The following SPRING1 variants were observed in gnomAD, a reference collection of about 807,000 sequenced individuals.
SPRING1 encodes the protein SREBP regulating gene protein.
In SPRING1, 14 loss-of-function variants were observed where a neutral mutation model predicts 24.7. The observed-to-expected ratio is 0.57, with a 90% CI of 0.37 to 0.88. SPRING1 has a LOEUF of 0.88. Ranked by LOEUF, SPRING1 falls within the 40% of genes least tolerant of loss-of-function variation. The pLI is 0.00. For missense variants in SPRING1, 255 were observed against 268.4 expected, an observed-to-expected ratio of 0.95 and a Z score of 0.35; for synonymous variants, 93 against 106.1, an observed-to-expected ratio of 0.88 and a Z score of 0.76.
rs1030105228 is a variant in SPRING1, at chr12:116,714,067, T to C, written c.*3743A>G. The C allele has an allele frequency of 1.3e-5, 2 of 151,940 alleles. No homozygotes were observed. The highest frequency in any genetic ancestry group is 2.9e-5 in the Non-Finnish European group (2 of 67,978). 9.4% of individuals were successfully genotyped at this position (151,940 alleles called of 1,614,324 possible). The stretch of plus-strand genomic sequence containing the variant: ...TTGCTCCCTGCTGAGTTGCAGACAT[T>C]GACTTCTTGCCAAGCCTCAGGCCTT... On this transcript the variant is annotated 3_prime_UTR_variant, in exon 5 of 5. Coordinates refer to ENST00000261318, the MANE Select transcript of SPRING1 (RefSeq NM_024738.4).
chr12:116,722,911 G>A (rs1870498490), intron 2 of SPRING1, among the ~76,000 whole-genome samples, 156 bp downstream of exon 2: 1 of 152,240 alleles, frequency 6.6e-6, no homozygotes, highest in Non-Finnish European at 1.5e-5. Context: ...CTTGAATGAT[G>A]AGTAGGGTAT....
At position 116,720,032 on chromosome 12, in the gene SPRING1, T is replaced by A; in HGVS notation, c.421-156A>T. 2.8e-6 allele frequency: 2 copies of A among 726,030 alleles called. No homozygotes were observed. The highest frequency in any genetic ancestry group is 4.5e-6 in the Non-Finnish European group (2 of 442,028). 45.0% of individuals were successfully genotyped at this position (726,030 alleles called of 1,614,324 possible). On this transcript the variant is annotated intron_variant, in intron 3 of 4. Coordinates refer to ENST00000261318, the MANE Select transcript of SPRING1 (RefSeq NM_024738.4). This position sits in a 1 kb window ranked among gnomAD's most constrained non-coding sequence, Gnocchi z 4.0. ...GAAAGGACACACGCGTGCACACACGTGCATGCCAAAACACCCTGGGTATCT... is the reference window on the plus strand; with the variant it reads ...GAAAGGACACACGCGTGCACACACGAGCATGCCAAAACACCCTGGGTATCT...
intron 1 of SPRING1, among the ~76,000 whole-genome samples, chr12:116,735,970 G>A (rs902698535): frequency 6.7e-6 from 1 of 150,222 alleles, no homozygotes; most frequent in South Asian, 2.1e-4. Context: ...GAACCCGGGA[G>A]GTGGAGGCTG....
rs3215081 is a variant in SPRING1, at chr12:116,720,651, CCT to C, written c.269-206_269-205del. Among the ~76,000 whole-genome samples, 36,470 of 151,984 alleles carry C rather than the reference CCT, an allele frequency of 0.24. 4,496 individuals are homozygous for C. The highest frequency in any genetic ancestry group is 0.35 in the East Asian group (1,796 of 5,162). On this transcript the variant is annotated intron_variant, in intron 2 of 4. Coordinates refer to ENST00000261318, the MANE Select transcript of SPRING1 (RefSeq NM_024738.4). The surrounding 1 kb of genome is among the most constrained non-coding windows in gnomAD (Gnocchi z 4.0). ...GTCGTTTCCAGGAAGCAGGCACTCC[CCT>C]GTTATCGCCAGGCTACACGTCGGAA...
intron 1 of SPRING1, among the ~76,000 whole-genome samples, chr12:116,734,908 C>T (rs1402925350): frequency 1.3e-5 from 2 of 152,132 alleles, no homozygotes; most frequent in Non-Finnish European, 1.5e-5. Flanking sequence ...TGGGGAAATG[C>T]CATGATGATC....
At chr12:116,723,271 T>C (rs1208504555) in intron 1 of SPRING1, 48 bp from the exon 2 acceptor site, 5 of 1,598,926 alleles carry the variant, frequency 3.1e-6, no homozygotes, top group Non-Finnish European at 4.3e-6. Flanking sequence ...GTATCCTTTC[T>C]TACAATTTCA....
Position 116,720,660 on chromosome 12 carries a change from G to A in SPRING1, c.269-213C>T, listed in dbSNP as rs1008414419. On this transcript the variant is annotated intron_variant, in intron 2 of 4. Coordinates refer to ENST00000261318, the MANE Select transcript of SPRING1 (RefSeq NM_024738.4). The surrounding 1 kb of genome is among the most constrained non-coding windows in gnomAD (Gnocchi z 4.0). ...AGGAAGCAGGCACTCCCCTGTTATCGCCAGGCTACACGTCGGAACCTACCT... is the reference window on the plus strand; with the variant it reads ...AGGAAGCAGGCACTCCCCTGTTATCACCAGGCTACACGTCGGAACCTACCT... 2.6e-5 allele frequency among the ~76,000 whole-genome samples: 4 copies of A among 152,038 alleles called. No homozygotes were observed. The highest frequency in any genetic ancestry group is 9.7e-5 in the African/African-American group (4 of 41,380).
intron 1 of SPRING1, among the ~76,000 whole-genome samples, chr12:116,735,900 C>T (rs1367024469): frequency 3.4e-5 from 5 of 147,140 alleles, no homozygotes; most frequent in South Asian, 2.2e-4. Flanking sequence ...ATTAGCTGGG[C>T]ATGGTGGCGC....
intron 1 of SPRING1, among the ~76,000 whole-genome samples, chr12:116,725,491 G>C (rs1462336156): frequency 1.3e-5 from 2 of 152,052 alleles, no homozygotes; most frequent in Admixed American, 6.5e-5. Flanking sequence ...TAATCATTTT[G>C]GGAATATTTT....
Position 116,720,496 on chromosome 12 carries a change from T to G in SPRING1, c.269-49A>C. ...GCATAAAACCAGCAGCCTTGCCACC[T>G]CCCTACCAGGGATGACCATGAAGCA... On this transcript the variant is annotated intron_variant, in intron 2 of 4. Transcript: ENST00000261318. The surrounding 1 kb of genome is among the most constrained non-coding windows in gnomAD (Gnocchi z 4.0). 1 of 1,601,398 alleles carries G rather than the reference T, an allele frequency of 6.2e-7. No individual in the cohort carries two copies. Among genetic ancestry groups the G allele is most frequent in the Non-Finnish European group, 8.5e-7 (1 of 1,173,602 alleles).
At chr12:116,731,794 G>C (rs1313162893) in intron 1 of SPRING1, among the ~76,000 whole-genome samples, 1 of 152,016 alleles carries the variant, frequency 6.6e-6, no homozygotes, top group African/African-American at 2.4e-5. Flanking sequence ...AAAACCCTAA[G>C]CCTCAGTGGC....
intron 1 of SPRING1, among the ~76,000 whole-genome samples, chr12:116,736,928 G>A (rs762673353): frequency 1.6e-4 from 24 of 152,296 alleles, no homozygotes; most frequent in Middle Eastern, 3.4e-3. Flanking sequence ...CAAATTAAAC[G>A]AAGGGCACCC....
At position 116,723,193 on chromosome 12, in the gene SPRING1, G is replaced by A; in HGVS notation, c.142C>T (p.Leu48Phe). The change falls in exon 2 of 5, where the codon CTC becomes TTC. Residue 48 changes from leucine to phenylalanine, a missense_variant. Physicochemically the swap from Leu to Phe is conservative, Grantham distance 22. Transcript: ENST00000261318. ...GGCTGATTATGGTCATGAACCTGGA[G>A]GAGATTCCTATCTCTCACTGCCCTC... ...EERAVRDRNL[L>F]QVHDHNQPIP... 6.2e-7 allele frequency: 1 copy of A among 1,614,104 alleles called. No homozygotes were observed. Among genetic ancestry groups the A allele is most frequent in the Non-Finnish European group, 8.5e-7 (1 of 1,180,046 alleles).
rs1357623427 is a variant in SPRING1, at chr12:116,723,239, A to T, written c.112-16T>A. 6 of 1,613,788 alleles carry T rather than the reference A, an allele frequency of 3.7e-6. No homozygotes were observed. The East Asian group carries it at 1.1e-4, about 30-fold the overall frequency. The stretch of plus-strand genomic sequence containing the variant: ...CCCTCTCCTCCTGCAAAGAAACCAT[A>T]AGTGAGAAGGTTAAGTATCCAGTAT... On this transcript the variant is annotated splice_polypyrimidine_tract_variant and intron_variant, in intron 1 of 4. Transcript: ENST00000261318.
rs1432369945 is a variant in SPRING1 at position 116,721,724 on chromosome 12, AAGTT to A, written c.269-1281_269-1278del. On this transcript the variant is annotated intron_variant, in intron 2 of 4. Transcript: ENST00000261318. The stretch of plus-strand genomic sequence containing the variant: ...CTAGAAACAAACACAAAATGTAATT[AAGTT>A]AGTTAGCATTTTCCTCAAAATTCTG... Among the ~76,000 whole-genome samples the A allele has an allele frequency of 5.9e-5, 9 of 152,360 alleles. No homozygotes were observed. The South Asian group carries it at 1.2e-3, about 21-fold the overall frequency.
In SPRING1 at chr12:116,719,799, A is replaced by C; in HGVS notation, c.498T>G (p.Phe166Leu). 6.2e-7 allele frequency: 1 copy of C among 1,614,184 alleles called. No homozygotes were observed. Among genetic ancestry groups the C allele is most frequent in the East Asian group, 2.2e-5 (1 of 44,880 alleles). The stretch of plus-strand genomic sequence containing the variant: ...TCCTGCATTTGGCCAGGCACAACTC[A>C]AAGTGATCTTCGACTGCCATGAAGA... ...QNLFMAVEDHFELCLAKCRTS... is the reference protein window; with the variant it reads ...QNLFMAVEDHLELCLAKCRTS... The change falls in exon 4 of 5, where the codon TTT (phenylalanine) becomes TTG (leucine). Residue 166 changes from phenylalanine (F) to leucine (L), a missense_variant. By Grantham distance (22) the Phe-to-Leu change is conservative. Coordinates refer to ENST00000261318, the MANE Select transcript of SPRING1 (RefSeq NM_024738.4).
intron 1 of SPRING1, among the ~76,000 whole-genome samples, chr12:116,723,535 CTTTT>C (rs1463419678): frequency 3.9e-5 from 6 of 152,096 alleles, no homozygotes; most frequent in Non-Finnish European, 7.4e-5. Flanking sequence ...AAGTTTTGGA[CTTTT>C]TCTTTCTGAT....
intron 1 of SPRING1, 86 bp from the exon 2 acceptor site, chr12:116,723,309 A>G: frequency 6.7e-7 from 1 of 1,495,004 alleles, no homozygotes; most frequent in Non-Finnish European, 9.1e-7. Flanking sequence ...CTACAGTAAG[A>G]GGACAGAAAT....
intron 1 of SPRING1, among the ~76,000 whole-genome samples, chr12:116,729,843 T>C (rs1870885570): frequency 6.6e-6 from 1 of 152,254 alleles, no homozygotes; most frequent in South Asian, 2.1e-4. Context: ...GAAAATGTTT[T>C]AAAACTACTG....
Sources: gnomAD v4.1 joint callset for allele counts (sites outside exome capture counted in the v4.1 genomes callset) on GRCh38, gnomAD v4.1.1 for gene constraint, Gnocchi (gnomAD v3.1) non-coding constraint, MANE v1.5 for transcripts, NCBI Gene and HGNC (gene_info 2026-07-23, HGNC 2026-07-21) for gene names.